CNTN4: variants seen among roughly 807,000 people sequenced by gnomAD.
CNTN4 encodes the protein contactin 4.
In CNTN4, 77 loss-of-function variants were observed where a neutral mutation model predicts 122.5. The ratio of observed to expected loss-of-function variants is 0.63; its 90% CI spans 0.52 to 0.76. The LOEUF is 0.76. Among genes scored for constraint, CNTN4 ranks in the 30% least tolerant of loss-of-function variants. The pLI is 0.00. For synonymous variants in CNTN4, 512 were observed against 447.0 expected (o/e 1.15, Z -1.83); for missense variants, 1,256 against 1,259.1 (o/e 1.00, Z 0.04).
chr3:2,562,445 A>G (rs936365497), intron 3 of CNTN4, among the ~76,000 whole-genome samples: 6 of 151,952 alleles, frequency 3.9e-5, no homozygotes, highest in East Asian at 1.9e-4. Flanking sequence ...TGGATATGCA[A>G]TATTTAGCTC....
At chr3:2,212,354 A>G (rs1285302335) in intron 2 of CNTN4, among the ~76,000 whole-genome samples, 1 of 152,190 alleles carries the variant, frequency 6.6e-6, no homozygotes, top group Non-Finnish European at 1.5e-5. Context: ...CAATAAAGAC[A>G]TACGCAAGAC....
intron 2 of CNTN4, among the ~76,000 whole-genome samples, chr3:2,235,452 T>G (rs180802230): frequency 6.6e-6 from 1 of 152,268 alleles, no homozygotes; most frequent in Admixed American, 6.5e-5. Flanking sequence ...TTTAACACAT[T>G]CAGTATCTTT....
intron 4 of CNTN4, among the ~76,000 whole-genome samples, chr3:2,588,395 C>A (rs1052164568): frequency 6.6e-5 from 10 of 152,048 alleles, no homozygotes; most frequent in Non-Finnish European, 1.5e-4. Context: ...GAGACAGAGC[C>A]TCGCACTATT....
intron 8 of CNTN4, among the ~76,000 whole-genome samples, chr3:2,868,122 G>A (rs1444505234): frequency 6.6e-6 from 1 of 152,120 alleles, no homozygotes; most frequent in African/African-American, 2.4e-5. Flanking sequence ...ACACAAGTGA[G>A]GATACCATCA....
intron 2 of CNTN4, among the ~76,000 whole-genome samples, chr3:2,265,999 G>GT (rs1266295701): frequency 6.6e-6 from 1 of 151,924 alleles, no homozygotes; most frequent in East Asian, 1.9e-4. Context: ...ATAAAAAATC[G>GT]TATCATCTGA....
chr3:2,132,144 C>T (rs1471283912), intron 2 of CNTN4, among the ~76,000 whole-genome samples: 1 of 152,174 alleles, frequency 6.6e-6, no homozygotes, highest in Non-Finnish European at 1.5e-5. Flanking sequence ...GATCATTATG[C>T]TGTGAGGAAG....
intron 4 of CNTN4, among the ~76,000 whole-genome samples, chr3:2,735,293 G>A (rs940920935): frequency 5.3e-5 from 8 of 152,160 alleles, no homozygotes; most frequent in Admixed American, 4.6e-4. Context: ...GGGCGTAAGC[G>A]GCGAGATGCA....
At chr3:2,452,199 C>A (rs960289025) in intron 3 of CNTN4, among the ~76,000 whole-genome samples, 6 of 152,236 alleles carry the variant, frequency 3.9e-5, no homozygotes, top group African/African-American at 7.2e-5. Flanking sequence ...GCTATTTGAT[C>A]CAGAAAAGTC....
At chr3:2,891,020 T>C (rs1489885057) in intron 10 of CNTN4, among the ~76,000 whole-genome samples, 1 of 152,092 alleles carries the variant, frequency 6.6e-6, no homozygotes, top group African/African-American at 2.4e-5. Context: ...TTGCCTACCA[T>C]GTGGGAGACA....
chr3:2,426,780 C>A (rs984501600), intron 3 of CNTN4, among the ~76,000 whole-genome samples: 10 of 152,154 alleles, frequency 6.6e-5, no homozygotes, highest in African/African-American at 2.4e-4. Flanking sequence ...GATTCAACTT[C>A]TTCCTGGTTT....
rs1553687023 is a variant in CNTN4, at chr3:2,903,012, C to T, written c.1207+7C>T. 6.2e-7 allele frequency: 1 copy of T among 1,612,996 alleles called. No homozygotes were observed. ...GCAGAGCTTAGTGTTATAGGTGAGT[C>T]TTTATACTGGCAAGAAAAAAAAATT... On this transcript the variant is annotated splice_region_variant and intron_variant, in intron 12 of 24. Coordinates refer to ENST00000418658, the MANE Select transcript of CNTN4 (RefSeq NM_175607.3).
chr3:2,675,264 C>G (rs1015310628), intron 4 of CNTN4, among the ~76,000 whole-genome samples: 1 of 152,030 alleles, frequency 6.6e-6, no homozygotes, highest in African/African-American at 2.4e-5. Context: ...TATCTCTATT[C>G]TAGCCACACT....
chr3:2,452,920 T>G (rs1182434594), intron 3 of CNTN4, among the ~76,000 whole-genome samples: 1 of 152,178 alleles, frequency 6.6e-6, no homozygotes, highest in Non-Finnish European at 1.5e-5. Context: ...CCTTTTTTTG[T>G]GTTTTTGTTG....
At chr3:2,416,008 A>G (rs1422158299) in intron 3 of CNTN4, among the ~76,000 whole-genome samples, 5 of 152,166 alleles carry the variant, frequency 3.3e-5, no homozygotes, top group African/African-American at 1.2e-4. Context: ...TGTTTAGTCA[A>G]TCAATAGCCA....
intron 4 of CNTN4, among the ~76,000 whole-genome samples, chr3:2,644,511 G>T (rs770539334): frequency 6.6e-6 from 1 of 151,860 alleles, no homozygotes; most frequent in Non-Finnish European, 1.5e-5. Context: ...GCTTTACCCT[G>T]TATCTCTCTG....
intron 2 of CNTN4, among the ~76,000 whole-genome samples, chr3:2,308,411 C>T (rs902247520): frequency 6.6e-6 from 1 of 151,782 alleles, no homozygotes; most frequent in Admixed American, 6.6e-5. Flanking sequence ...TTATATTTTA[C>T]TCCAGTCTTT....
chr3:2,970,675 G>A (rs963269146), intron 13 of CNTN4, among the ~76,000 whole-genome samples: 3 of 151,624 alleles, frequency 2.0e-5, no homozygotes, highest in African/African-American at 7.3e-5. Flanking sequence ...CAAACACCTG[G>A]GCTCAACTAA....
intron 4 of CNTN4, among the ~76,000 whole-genome samples, chr3:2,595,733 A>G (rs2080737870): frequency 6.6e-6 from 1 of 152,202 alleles, no homozygotes; most frequent in African/African-American, 2.4e-5. Flanking sequence ...TGTAGTTGTC[A>G]TATTGTCCAG....
chr3:2,281,249 A>G (rs948925790), intron 2 of CNTN4, among the ~76,000 whole-genome samples: 11 of 152,074 alleles, frequency 7.2e-5, no homozygotes, highest in Admixed American at 5.2e-4. Context: ...GTCAGACAGC[A>G]TTGTCTTCTT....
Sources: allele counts gnomAD v4.1 joint callset (sites outside exome capture counted in the v4.1 genomes callset), GRCh38; gene constraint gnomAD v4.1.1; transcripts MANE v1.5; gene names NCBI Gene and HGNC (gene_info 2026-07-23, HGNC 2026-07-21).